ROR1: variants seen among roughly 807,000 people sequenced by gnomAD.
ROR1 encodes the protein ROR family WNT receptor 1.
Under a neutral mutation model 78.8 loss-of-function variants are expected in ROR1, and 19 were observed. That is an observed-to-expected ratio of 0.24 (90% confidence interval 0.17 to 0.35). ROR1 has a LOEUF of 0.35. ROR1 is among the 10% of genes least tolerant of loss of function. ROR1 has a pLI of 1.00. For synonymous variants in ROR1, 386 were observed against 433.6 expected (o/e 0.89, Z 1.36); for missense variants, 917 against 1,177.8 (o/e 0.78, Z 3.24).
chr1:64,150,611 C>T (rs1258302121), intron 7 of ROR1, among the ~76,000 whole-genome samples: 6 of 152,130 alleles, frequency 3.9e-5, no homozygotes, highest in South Asian at 2.1e-4. Context: ...TAAAATTGAA[C>T]GTTACAGTGA....
chr1:64,117,730 C>T (rs1648362248), intron 4 of ROR1, among the ~76,000 whole-genome samples: 2 of 152,192 alleles, frequency 1.3e-5, no homozygotes, highest in Admixed American at 1.3e-4. Flanking sequence ...CCCAACATCA[C>T]CCTATCAGGC....
At chr1:64,023,994 G>A (rs1646587175) in intron 2 of ROR1, among the ~76,000 whole-genome samples, 1 of 152,170 alleles carries the variant, frequency 6.6e-6, no homozygotes, top group African/African-American at 2.4e-5. Context: ...GTTTAAAAGT[G>A]TGTGGCAGTT....
At chr1:63,988,817 T>C (rs1172058461) in intron 1 of ROR1, among the ~76,000 whole-genome samples, 1 of 152,248 alleles carries the variant, frequency 6.6e-6, no homozygotes, top group Non-Finnish European at 1.5e-5. Flanking sequence ...GCTAGAATTT[T>C]CTTCCTTTTT....
At chr1:64,115,460 C>T (rs1235124007) in intron 4 of ROR1, among the ~76,000 whole-genome samples, 2 of 152,062 alleles carry the variant, frequency 1.3e-5, no homozygotes, top group East Asian at 3.9e-4. Flanking sequence ...TCTTGAACTG[C>T]TGGCTTTAAG....
rs1232090802 is a variant in ROR1 at position 63,914,351 on chromosome 1, G to C, written c.92-94954G>C. Among the ~76,000 whole-genome samples the C allele has an allele frequency of 3.9e-5, 6 of 152,200 alleles. No homozygotes were observed. The East Asian group carries it at 1.2e-3, about 29-fold the overall frequency. The stretch of plus-strand genomic sequence containing the variant: ...CCAGTCTAGGAAAGTGGAGGGACAG[G>C]AACCCTGCGTGCCTGGTTTATTGTG... On this transcript the variant is annotated intron_variant, in intron 1 of 8. Coordinates refer to ENST00000371079, the MANE Select transcript of ROR1 (RefSeq NM_005012.4).
chr1:64,033,709 C>A (rs1646678963), intron 2 of ROR1, among the ~76,000 whole-genome samples: 1 of 152,106 alleles, frequency 6.6e-6, no homozygotes, highest in Admixed American at 6.6e-5. Flanking sequence ...GTTCTAAGTA[C>A]CTTAAGAACA....
chr1:63,925,818 A>G (rs1385163554), intron 1 of ROR1, among the ~76,000 whole-genome samples: 1 of 151,448 alleles, frequency 6.6e-6, no homozygotes, highest in African/African-American at 2.4e-5. Flanking sequence ...TCTTCTTTTG[A>G]GAAGTGTCTG....
At chr1:64,153,686 A>C (rs528039258) in intron 7 of ROR1, among the ~76,000 whole-genome samples, 1 of 152,294 alleles carries the variant, frequency 6.6e-6, no homozygotes, top group African/African-American at 2.4e-5. Flanking sequence ...ACTTATATGC[A>C]GTACCTAAAA....
At chr1:64,143,377 A>AG (rs2100714321) in intron 7 of ROR1, 21 of 982,054 alleles carry the variant, frequency 2.1e-5, no homozygotes, top group East Asian at 1.1e-4. Flanking sequence ...GAAAAAAAAA[A>AG]AAAGAAAATG....
intron 1 of ROR1, among the ~76,000 whole-genome samples, chr1:63,860,562 TACACACACACACAC>T (rs68153450): frequency 2.2e-4 from 28 of 126,542 alleles, no homozygotes; most frequent in African/African-American, 4.6e-4. Context: ...CTACTAAAAA[TACACACACACACAC>T]ACACACACAC....
intron 4 of ROR1, among the ~76,000 whole-genome samples, chr1:64,069,222 T>G (rs1488116605): frequency 6.6e-6 from 1 of 152,228 alleles, no homozygotes; most frequent in Non-Finnish European, 1.5e-5. Context: ...AGGGTCTCTT[T>G]ATTATTGTCC....
intron 4 of ROR1, among the ~76,000 whole-genome samples, chr1:64,090,919 T>A (rs940916410): frequency 6.6e-6 from 1 of 152,232 alleles, no homozygotes; most frequent in African/African-American, 2.4e-5. Flanking sequence ...ATGGGCCTAT[T>A]GTCATCATGG....
At chr1:64,146,701 C>T (rs557195628) in intron 7 of ROR1, among the ~76,000 whole-genome samples, 3 of 152,260 alleles carry the variant, frequency 2.0e-5, no homozygotes, top group South Asian at 4.2e-4. Context: ...CTAAAGTACT[C>T]GTTTTCATTT....
intron 1 of ROR1, among the ~76,000 whole-genome samples, chr1:63,844,570 A>G (rs144450165): frequency 6.6e-6 from 1 of 152,200 alleles, no homozygotes; most frequent in Non-Finnish European, 1.5e-5. Context: ...TTCACAGTCT[A>G]CTAGGGTGTT....
At chr1:64,105,533 G>A (rs2100663546) in intron 4 of ROR1, 1 of 152,236 alleles carries the variant, frequency 6.6e-6, no homozygotes, top group Admixed American at 6.5e-5. Context: ...CTTTGCCCAT[G>A]CCTATGTCCT....
At chr1:63,843,767 CT>C (rs1269134048) in intron 1 of ROR1, 2 of 402,626 alleles carry the variant, frequency 5.0e-6, no homozygotes, top group Non-Finnish European at 9.8e-6. Context: ...CCCGACTGCA[CT>C]CTGTTCCTTC....
At chr1:64,156,912 C>T (rs557341323) in intron 7 of ROR1, among the ~76,000 whole-genome samples, 4 of 152,186 alleles carry the variant, frequency 2.6e-5, no homozygotes, top group African/African-American at 4.8e-5. Flanking sequence ...GCAAGACCGA[C>T]GATGGAATCC....
chr1:63,875,387 T>G (rs1343377900), intron 1 of ROR1, among the ~76,000 whole-genome samples: 1 of 152,200 alleles, frequency 6.6e-6, no homozygotes, highest in Non-Finnish European at 1.5e-5. Flanking sequence ...GTTTAAATCT[T>G]AGCTCTGCTG....
intron 1 of ROR1, among the ~76,000 whole-genome samples, chr1:63,862,801 G>A (rs562688989): frequency 6.6e-6 from 1 of 152,134 alleles, no homozygotes; most frequent in African/African-American, 2.4e-5. Flanking sequence ...GTAAAATGGG[G>A]TTATAAGGTA....
Sources: allele counts gnomAD v4.1 joint callset (sites outside exome capture counted in the v4.1 genomes callset), GRCh38; gene constraint gnomAD v4.1.1; transcripts MANE v1.5; gene names NCBI Gene and HGNC (gene_info 2026-07-23, HGNC 2026-07-21).